Variants in WAC observed in about 807,000 individuals in gnomAD.
The protein encoded by WAC is WW domain-containing adapter protein with coiled-coil.
A neutral mutation model predicts 79.6 loss-of-function variants in WAC; 11 were observed. That is an observed-to-expected ratio of 0.14 (90% CI 0.09 to 0.23). The LOEUF (loss-of-function observed/expected upper bound fraction) is 0.23. Among genes scored for constraint, WAC ranks in the 10% least tolerant of loss-of-function variants. WAC has a pLI of 1.00. For synonymous variants in WAC, 304 were observed against 276.9 expected (o/e 1.10, Z -0.97); for missense variants, 728 against 773.5 (o/e 0.94, Z 0.70).
chr10:28,597,177 G>A (rs1213581254), intron 7 of WAC, among the ~76,000 whole-genome samples: 1 of 151,928 alleles, frequency 6.6e-6, no homozygotes, highest in Non-Finnish European at 1.5e-5. Context: ...ATTATTGCTT[G>A]TTCCAAATGT....
chr10:28,552,921 C>G (rs1450906367), intron 3 of WAC, among the ~76,000 whole-genome samples: 1 of 120,262 alleles, frequency 8.3e-6, no homozygotes, highest in Non-Finnish European at 1.6e-5. Context: ...AGGTCCTTTT[C>G]AGAATAAATG....
intron 3 of WAC, among the ~76,000 whole-genome samples, chr10:28,545,031 ACT>A (rs1297592553): frequency 1.8e-5 from 2 of 108,386 alleles, no homozygotes; most frequent in Non-Finnish European, 1.8e-5. Flanking sequence ...ACAGAGTGAG[ACT>A]CTGTCTCAAA....
chr10:28,574,665 A>G (rs536739563), intron 3 of WAC, among the ~76,000 whole-genome samples: 2 of 152,272 alleles, frequency 1.3e-5, no homozygotes, highest in South Asian at 2.1e-4. Flanking sequence ...GCTGGTCTCA[A>G]ACTCCTGAGC....
At chr10:28,533,916 C>T in intron 1 of WAC, 82 bp from the exon 2 acceptor site, 10 of 1,511,138 alleles carry the variant, frequency 6.6e-6, no homozygotes, top group Non-Finnish European at 8.2e-6. Flanking sequence ...CGGGGAGGGG[C>T]GGCGGGGGCC....
intron 3 of WAC, among the ~76,000 whole-genome samples, chr10:28,572,327 ACT>A (rs1447713698): frequency 1.5e-5 from 2 of 135,484 alleles, no homozygotes; most frequent in Non-Finnish European, 3.1e-5. Context: ...ACAGAGTGAG[ACT>A]CTGTCTCCAA....
At chr10:28,549,040 A>G (rs1230323180) in intron 3 of WAC, among the ~76,000 whole-genome samples, 22 of 152,172 alleles carry the variant, frequency 1.4e-4, no homozygotes, top group Admixed American at 1.4e-3. Context: ...TTGAGCCTGC[A>G]GGCATATGCT....
At chr10:28,609,656 G>T (rs1841129913) in intron 8 of WAC, among the ~76,000 whole-genome samples, 1 of 152,092 alleles carries the variant, frequency 6.6e-6, no homozygotes, top group Non-Finnish European at 1.5e-5. Flanking sequence ...GCTGAGGCTG[G>T]TGGGCCACTT....
Position 28,619,676 on chromosome 10 carries a change from G to C in WAC, c.*70G>C, listed in dbSNP as rs1376517251. 1.5e-6 allele frequency: 2 copies of C among 1,360,226 alleles called. No individual in the cohort carries two copies. Among genetic ancestry groups the C allele is most frequent in the Non-Finnish European group, 9.9e-7 (1 of 1,005,734 alleles). The allele number at this position is 1,360,226 out of a possible 1,614,324, so 84.3% of individuals were successfully genotyped here. A position where few individuals can be genotyped will look rare whatever the true frequency, so the allele number is the denominator to read the frequency against. On this transcript the variant is annotated 3_prime_UTR_variant, in exon 14 of 14. Transcript: ENST00000354911. Reference sequence around the variant, plus strand: ...TCTGTTGCCCAATCTTAACATTTTTGAGCTGCATTTAAGTAGACTTTGGAC... The same window carrying C: ...TCTGTTGCCCAATCTTAACATTTTTCAGCTGCATTTAAGTAGACTTTGGAC...
intron 3 of WAC, among the ~76,000 whole-genome samples, chr10:28,558,535 G>C (rs1006801157): frequency 1.3e-5 from 2 of 151,888 alleles, no homozygotes; most frequent in Non-Finnish European, 2.9e-5. Flanking sequence ...ATTCTTTTGA[G>C]TTATGTGTAG....
intron 3 of WAC, among the ~76,000 whole-genome samples, chr10:28,554,279 T>C (rs532776181): frequency 6.6e-6 from 1 of 152,300 alleles, no homozygotes; most frequent in African/African-American, 2.4e-5. Flanking sequence ...TGGAGCATCT[T>C]AGAACCAGTC....
At chr10:28,538,286 TC>T in intron 3 of WAC, 1 of 329,198 alleles carries the variant, frequency 3.0e-6, no homozygotes, top group Non-Finnish European at 6.5e-6. Context: ...TGGATTTTTA[TC>T]CAAAAATGAA....
chr10:28,580,525 A>C (rs1037008423), intron 3 of WAC, among the ~76,000 whole-genome samples: 3 of 152,208 alleles, frequency 2.0e-5, no homozygotes, highest in South Asian at 4.1e-4. Flanking sequence ...TGTGCAAATA[A>C]ATGTCTGAGT....
chr10:28,534,542 T>G (rs1241848521), intron 2 of WAC, among the ~76,000 whole-genome samples: 2 of 152,240 alleles, frequency 1.3e-5, no homozygotes, highest in Non-Finnish European at 2.9e-5. Context: ...AAGATATGTG[T>G]GCTTTTGTTT....
intron 3 of WAC, among the ~76,000 whole-genome samples, chr10:28,581,006 G>A (rs545072425): frequency 6.6e-6 from 1 of 152,222 alleles, no homozygotes; most frequent in African/African-American, 2.4e-5. Flanking sequence ...TTGCCTAAGA[G>A]TCATACAGGA....
chr10:28,596,347 T>G (rs1054312333), intron 7 of WAC, among the ~76,000 whole-genome samples: 1 of 152,226 alleles, frequency 6.6e-6, no homozygotes, highest in African/African-American at 2.4e-5. Context: ...TCTGTTTTTG[T>G]GATCATTGTC....
At chr10:28,562,334 G>A (rs1404790889) in intron 3 of WAC, among the ~76,000 whole-genome samples, 1 of 152,128 alleles carries the variant, frequency 6.6e-6, no homozygotes, top group Non-Finnish European at 1.5e-5. Context: ...GGGATTACAG[G>A]CATCAGCCAC....
intron 7 of WAC, among the ~76,000 whole-genome samples, chr10:28,607,565 TAAAATG>T (rs1324175012): frequency 6.6e-6 from 1 of 152,218 alleles, no homozygotes; most frequent in African/African-American, 2.4e-5. Flanking sequence ...TTAATAATCT[TAAAATG>T]AAACAAATAG....
intron 6 of WAC, among the ~76,000 whole-genome samples, chr10:28,593,777 A>G (rs1054168086): frequency 6.6e-6 from 1 of 152,084 alleles, no homozygotes; most frequent in Admixed American, 6.5e-5. Flanking sequence ...TATTCTCCAC[A>G]ACTTGATACT....
intron 7 of WAC, among the ~76,000 whole-genome samples, chr10:28,605,634 A>AT (rs1840904085): frequency 6.6e-6 from 1 of 152,068 alleles, no homozygotes; most frequent in Non-Finnish European, 1.5e-5. Context: ...TGTTTTTGTT[A>AT]TTTTTTGTTA....
Sources: allele counts gnomAD v4.1 joint callset (sites outside exome capture counted in the v4.1 genomes callset), GRCh38; gene constraint gnomAD v4.1.1; transcripts MANE v1.5; gene names NCBI Gene and HGNC (gene_info 2026-07-23, HGNC 2026-07-21).